The following GUCY2F variants were observed in gnomAD, a reference collection of about 807,000 sequenced individuals.
GUCY2F encodes the protein guanylate cyclase 2F, retinal.
GUCY2F carries 61 observed loss-of-function variants against 73.1 expected under a neutral mutation model. That is an observed-to-expected ratio of 0.83 (90% CI 0.68 to 1.03). GUCY2F has a LOEUF of 1.03. GUCY2F is among the 50% of genes least tolerant of loss of function. The pLI, the probability that GUCY2F is intolerant of heterozygous loss-of-function variation, is 0.00. For missense variants in GUCY2F, 912 were observed against 854.3 expected (o/e 1.07, Z -0.84); for synonymous variants, 331 against 307.8 (o/e 1.08, Z -0.79).
At chrX:109,407,513 G>A (rs1462556827) in intron 9 of GUCY2F, among the ~76,000 whole-genome samples, 1 of 113,112 alleles carries the variant, frequency 8.8e-6, no homozygotes, top group Non-Finnish European at 1.9e-5. Context: ...GAGTAGCAAG[G>A]AGCCTAATGT....
rs1459278961 is a variant in GUCY2F at position 109,453,574 on chromosome X, A to G, written c.1318T>C (p.Phe440Leu). Reference sequence around the variant, plus strand: ...GCTCTAGGGGGCCTGCCACCAGGGAAGTGAATAGGGGTCCCTCCGAAACGT... The same window carrying G: ...GCTCTAGGGGGCCTGCCACCAGGGAGGTGAATAGGGGTCCCTCCGAAACGT... ...LLRFGGTPIH[F>L]PGGRPPRADA... The change falls in exon 4 of 20, where the codon TTC becomes CTC. Residue 440 changes from phenylalanine (F) to leucine (L), a missense_variant. Transcript: ENST00000218006. The G allele has an allele frequency of 5.0e-6, 6 of 1,209,922 alleles. No individual in the cohort carries two copies. The highest frequency in any genetic ancestry group is 6.7e-6 in the Non-Finnish European group (6 of 893,905).
chrX:109,405,406 A>C lies in GUCY2F; in HGVS notation c.1969-922T>G, dbSNP rs966604151. Among the ~76,000 whole-genome samples, 5 of 112,103 alleles carry C rather than the reference A, an allele frequency of 4.5e-5. No homozygotes were observed. The Admixed American group carries it at 4.7e-4, about 11-fold the overall frequency. On this transcript the variant is annotated intron_variant, in intron 9 of 19. Transcript: ENST00000218006. Reference sequence around the variant, plus strand: ...AATTAAAAATAGGCAACCAGAAAGAAGAAAGCTGTCTAGTGCCGATCTCTG... The same window carrying C: ...AATTAAAAATAGGCAACCAGAAAGACGAAAGCTGTCTAGTGCCGATCTCTG...
At chrX:109,477,348 C>T (rs920256974) in intron 1 of GUCY2F, among the ~76,000 whole-genome samples, 2 of 111,649 alleles carry the variant, frequency 1.8e-5, no homozygotes, top group Non-Finnish European at 3.8e-5. Flanking sequence ...AGATAGGAAA[C>T]ACTGGAGGAA....
At chrX:109,378,525 G>A in intron 17 of GUCY2F, among the ~76,000 whole-genome samples, 1 of 111,643 alleles carries the variant, frequency 9.0e-6, no homozygotes, top group Non-Finnish European at 1.9e-5. Context: ...CAGTGATGGG[G>A]CAAGAATTTG....
At chrX:109,435,133 C>T (rs1255156275) in intron 7 of GUCY2F, among the ~76,000 whole-genome samples, 1 of 111,315 alleles carries the variant, frequency 9.0e-6, no homozygotes, top group Non-Finnish European at 1.9e-5. Flanking sequence ...TCCATATGAG[C>T]TTTAAAGTAG....
chrX:109,410,563 C>T (rs1242903687), intron 8 of GUCY2F, among the ~76,000 whole-genome samples: 1 of 112,405 alleles, frequency 8.9e-6, no homozygotes, highest in African/African-American at 3.2e-5. Context: ...ACATCCAAGA[C>T]ACTGGAATGC....
In GUCY2F at chrX:109,392,020, A is replaced by C. The variant is rs139524320; in HGVS notation, c.2672T>G (p.Val891Gly). 7.0e-5 allele frequency: 84 copies of C among 1,206,641 alleles called. No individual in the cohort carries two copies. In the African/African-American group the frequency reaches 1.4e-3, roughly 20 times the overall value. ...DLVTLYFSDIVGFTTISAMSE... is the reference protein window; with the variant it reads ...DLVTLYFSDIGGFTTISAMSE... Reference sequence around the variant, plus strand: ...CATGGCTGAAATGGTTGTGAAGCCCACAATGTCGCTGAAGTACAAGGTGAC... The same window carrying C: ...CATGGCTGAAATGGTTGTGAAGCCCCCAATGTCGCTGAAGTACAAGGTGAC... Residue 891 changes from valine to glycine, a missense_variant, in exon 14 of 20, where the codon GTG becomes GGG. Coordinates refer to ENST00000218006, the MANE Select transcript of GUCY2F (RefSeq NM_001522.3).
intron 2 of GUCY2F, among the ~76,000 whole-genome samples, chrX:109,474,865 T>C (rs1490523985): frequency 9.0e-6 from 1 of 111,682 alleles, no homozygotes; most frequent in South Asian, 3.8e-4. Context: ...CGCCTCCCCA[T>C]ACCATTTTGG....
intron 1 of GUCY2F, among the ~76,000 whole-genome samples, chrX:109,481,092 A>G (rs866980564): frequency 1.4e-5 from 1 of 71,756 alleles, no homozygotes; most frequent in African/African-American, 5.2e-5. Context: ...GGAAGGAAGG[A>G]AGGAAGGAAG....
chrX:109,373,289 A>G (rs1347145974), intron 19 of GUCY2F, among the ~76,000 whole-genome samples: 1 of 112,003 alleles, frequency 8.9e-6, no homozygotes, highest in African/African-American at 3.2e-5. Flanking sequence ...CACATTTATA[A>G]ATCAATGATT....
intron 19 of GUCY2F, among the ~76,000 whole-genome samples, chrX:109,375,171 TAA>T (rs5903336): frequency 1.1e-5 from 1 of 94,418 alleles, no homozygotes; most frequent in Non-Finnish European, 2.1e-5. Context: ...AAGCAAGATT[TAA>T]AAAAAAAAAA....
intron 7 of GUCY2F, among the ~76,000 whole-genome samples, chrX:109,432,362 C>T (rs894921420): frequency 2.7e-5 from 3 of 112,085 alleles, no homozygotes; most frequent in Non-Finnish European, 5.6e-5. Context: ...CTGACACAAG[C>T]TTGAAGTTTT....
intron 17 of GUCY2F, among the ~76,000 whole-genome samples, chrX:109,378,454 T>C (rs1482078077): frequency 8.9e-6 from 1 of 111,863 alleles, no homozygotes. Context: ...GAGGCCTCTA[T>C]GTGGACAAAC....
At chrX:109,480,144 T>C (rs1179268047) in intron 1 of GUCY2F, among the ~76,000 whole-genome samples, 1 of 111,883 alleles carries the variant, frequency 8.9e-6, no homozygotes, top group Non-Finnish European at 1.9e-5. Flanking sequence ...TTTTAGGCCT[T>C]AATCAAGACC....
chrX:109,381,259 T>C (rs1930301163), intron 17 of GUCY2F, among the ~76,000 whole-genome samples: 1 of 112,083 alleles, frequency 8.9e-6, no homozygotes, highest in African/African-American at 3.2e-5. Context: ...TGCCCAAAAA[T>C]AGTCACTGAG....
intron 3 of GUCY2F, among the ~76,000 whole-genome samples, chrX:109,463,598 C>T (rs765906098): frequency 3.6e-5 from 4 of 110,155 alleles, no homozygotes; most frequent in South Asian, 7.9e-4. Flanking sequence ...CCACCACGCC[C>T]GGCTAACTTT....
chrX:109,447,328 A>G (rs1477372882), intron 6 of GUCY2F, among the ~76,000 whole-genome samples: 2 of 110,922 alleles, frequency 1.8e-5, no homozygotes, highest in African/African-American at 6.6e-5. Context: ...ATGCACACGT[A>G]TGTTTATTGA....
chrX:109,420,274 G>A lies in GUCY2F; in HGVS notation c.1791+10033C>T, dbSNP rs1245866745. On this transcript the variant is annotated intron_variant, in intron 8 of 19. Transcript: ENST00000218006. ...GAAAGAGAGAGGGGGAGGGATGGAG[G>A]GAGGGGGAAAGAGAGAGAGAGAGAA... Among the ~76,000 whole-genome samples the A allele has an allele frequency of 4.2e-5, 4 of 96,234 alleles. No homozygotes were observed. The East Asian group carries it at 1.3e-3, about 30-fold the overall frequency. The allele number at this position is 96,234 out of a possible 115,157, so 83.6% of individuals were successfully genotyped here. A position where few individuals can be genotyped will look rare whatever the true frequency, so the allele number is the denominator to read the frequency against.
At chrX:109,386,289 A>C (rs1380173614) in intron 15 of GUCY2F, among the ~76,000 whole-genome samples, 1 of 112,124 alleles carries the variant, frequency 8.9e-6, no homozygotes, top group African/African-American at 3.2e-5. Flanking sequence ...ATAATAACTC[A>C]GAAAATGGGA....
Sources: allele counts gnomAD v4.1 joint callset (sites outside exome capture counted in the v4.1 genomes callset), GRCh38; gene constraint gnomAD v4.1.1; transcripts MANE v1.5; gene names NCBI Gene and HGNC (gene_info 2026-07-23, HGNC 2026-07-21).